Variants in NINJ2 observed in about 807,000 individuals in gnomAD.
NINJ2 encodes ninjurin-2.
NINJ2 carries 12 observed loss-of-function variants against 11.7 expected under a neutral mutation model. That is an observed-to-expected ratio of 1.02 (90% CI 0.66 to 1.66). NINJ2 has a LOEUF of 1.66. NINJ2 is among the 40% of genes most tolerant of loss of function. The pLI is 0.00. For synonymous variants in NINJ2, 93 were observed against 76.8 expected (o/e 1.21, Z -1.10); for missense variants, 187 against 181.8 (o/e 1.03, Z -0.16).
chr12:600,567 A>C (rs1947852376), intron 1 of NINJ2, among the ~76,000 whole-genome samples: 1 of 152,008 alleles, frequency 6.6e-6, no homozygotes. Context: ...AAAATAAATA[A>C]ATAATAAAAT....
chr12:566,684 T>C (rs1947305109), intron 1 of NINJ2, among the ~76,000 whole-genome samples: 1 of 152,198 alleles, frequency 6.6e-6, no homozygotes, highest in Non-Finnish European at 1.5e-5. Context: ...TCGGCTGGAT[T>C]TCCAACCCTC....
intron 2 of NINJ2, 22 bp from the exon 3 acceptor site, chr12:565,423 G>C: frequency 6.2e-7 from 1 of 1,611,148 alleles, no homozygotes; most frequent in Non-Finnish European, 8.5e-7. Context: ...TGGAGTGGGG[G>C]GAAAGGGTCA....
chr12:579,402 C>G (rs1947514294), intron 1 of NINJ2, among the ~76,000 whole-genome samples: 1 of 152,068 alleles, frequency 6.6e-6, no homozygotes, highest in African/African-American at 2.4e-5. Flanking sequence ...CTTCCCGAAG[C>G]CCCTGTGAAA....
intron 1 of NINJ2, among the ~76,000 whole-genome samples, chr12:606,527 A>G (rs993996140): frequency 6.6e-6 from 1 of 152,206 alleles, no homozygotes; most frequent in African/African-American, 2.4e-5. Context: ...TATATAATGA[A>G]TGAGGAACAA....
chr12:629,323 G>A (rs1484719963), intron 1 of NINJ2, among the ~76,000 whole-genome samples: 2 of 152,214 alleles, frequency 1.3e-5, no homozygotes, highest in Non-Finnish European at 2.9e-5. Context: ...TGGTCCACAG[G>A]ACTAGGAGCC....
At chr12:645,883 G>A (rs946322748) in intron 1 of NINJ2, 13 of 152,150 alleles carry the variant, frequency 8.5e-5, no homozygotes, top group African/African-American at 2.9e-4. Context: ...ACTCAGAACC[G>A]CCCCCGACTG....
intron 1 of NINJ2, among the ~76,000 whole-genome samples, chr12:582,123 G>A (rs982563541): frequency 3.9e-5 from 6 of 152,214 alleles, no homozygotes; most frequent in Non-Finnish European, 8.8e-5. Flanking sequence ...ATTTGAACCC[G>A]GGTCTGTCCT....
intron 1 of NINJ2, among the ~76,000 whole-genome samples, chr12:649,406 T>G (rs932171771): frequency 1.3e-5 from 2 of 151,994 alleles, no homozygotes; most frequent in Non-Finnish European, 2.9e-5. Flanking sequence ...AGTTGTCCTA[T>G]GTAAAACTAT....
At chr12:604,782 C>T (rs79179202) in intron 1 of NINJ2, among the ~76,000 whole-genome samples, 3 of 152,202 alleles carry the variant, frequency 2.0e-5, no homozygotes, top group East Asian at 3.9e-4. Flanking sequence ...AGATGGAGGA[C>T]GGGCTGAAAG....
chr12:573,432 T>TG (rs1288133585), intron 1 of NINJ2, among the ~76,000 whole-genome samples: 3 of 152,002 alleles, frequency 2.0e-5, no homozygotes, highest in African/African-American at 7.3e-5. Context: ...GCAGTCTGGC[T>TG]GGGTGTGGTG....
rs564580062 is a variant in NINJ2, at chr12:565,959, C to T, written c.253G>A (p.Val85Met). Residue 85 changes from valine (V) to methionine (M), a missense_variant, in exon 2 of 4, where the codon GTG becomes ATG. Val to Met is a conservative substitution (Grantham distance 21). Coordinates refer to ENST00000305108, the MANE Select transcript of NINJ2 (RefSeq NM_016533.6). ...LLQVVIGVLL[V>M]VIARLNLNEV... Reference sequence around the variant, plus strand: ...AGGCTGGGCTCCTCACCAATGACCACGAGCAGGACACCGATGACCACCTGC... The same window carrying T: ...AGGCTGGGCTCCTCACCAATGACCATGAGCAGGACACCGATGACCACCTGC... The T allele has an allele frequency of 2.2e-5, 36 of 1,614,108 alleles. No individual in the cohort carries two copies. Among genetic ancestry groups the T allele is most frequent in the Middle Eastern group, 1.6e-4 (1 of 6,062 alleles).
chr12:595,135 A>T (rs941386246), intron 1 of NINJ2, among the ~76,000 whole-genome samples: 5 of 152,178 alleles, frequency 3.3e-5, no homozygotes, highest in African/African-American at 1.2e-4. Flanking sequence ...ATCCACATGC[A>T]AAAAGAAAAA....
chr12:638,606 G>A (rs1171746308), intron 1 of NINJ2, among the ~76,000 whole-genome samples: 4 of 152,170 alleles, frequency 2.6e-5, no homozygotes, highest in African/African-American at 7.2e-5. Context: ...TAGTAGAGAC[G>A]GGGTTTCACC....
rs967225660 is a variant in NINJ2 at position 640,634 on chromosome 12, C to T, written c.33+22694G>A. Among the ~76,000 whole-genome samples the T allele has an allele frequency of 6.6e-6, 1 of 152,044 alleles. No individual in the cohort carries two copies. Among genetic ancestry groups the T allele is most frequent in the Non-Finnish European group, 1.5e-5 (1 of 68,016 alleles). On this transcript the variant is annotated intron_variant, in intron 1 of 3. Transcript: ENST00000305108. This position sits in a 1 kb window ranked among gnomAD's most constrained non-coding sequence, Gnocchi z 4.0. ...CAGCCTCTAGGGTTCAAGTGAGTCT[C>T]GTGCCTCAGCATCCCAAGTAGGGCT...
At chr12:619,732 C>G (rs988744775) in intron 1 of NINJ2, among the ~76,000 whole-genome samples, 1 of 152,148 alleles carries the variant, frequency 6.6e-6, no homozygotes, top group Admixed American at 6.5e-5. Context: ...GTAACTTTGT[C>G]CTGAAGAAGC....
chr12:583,865 A>C (rs1947595097), intron 1 of NINJ2, among the ~76,000 whole-genome samples: 2 of 152,180 alleles, frequency 1.3e-5, no homozygotes. Flanking sequence ...CCTACTAAAA[A>C]TGGGGATCGT....
intron 1 of NINJ2, among the ~76,000 whole-genome samples, chr12:602,102 G>T (rs1007217214): frequency 6.6e-6 from 1 of 152,188 alleles, no homozygotes; most frequent in Non-Finnish European, 1.5e-5. Context: ...CCATGCATAA[G>T]GTACGCTGGA....
intron 1 of NINJ2, among the ~76,000 whole-genome samples, chr12:651,866 T>A (rs1937790760): frequency 6.6e-6 from 1 of 152,212 alleles, no homozygotes; most frequent in South Asian, 2.1e-4. Context: ...TCTCTGAGCT[T>A]ACGCATATCT....
intron 1 of NINJ2, among the ~76,000 whole-genome samples, chr12:569,053 C>A (rs1592067164): frequency 6.6e-6 from 1 of 152,178 alleles, no homozygotes; most frequent in Non-Finnish European, 1.5e-5. Context: ...CATCTTCCTT[C>A]GTGTTTGATT....
Sources: allele counts gnomAD v4.1 joint callset (sites outside exome capture counted in the v4.1 genomes callset), GRCh38; gene constraint gnomAD v4.1.1; non-coding constraint Gnocchi (gnomAD v3.1); transcripts MANE v1.5; gene names NCBI Gene and HGNC (gene_info 2026-07-23, HGNC 2026-07-21).